The following IRF7 variants were observed in gnomAD, a reference collection of about 807,000 sequenced individuals.
IRF7 encodes interferon regulatory factor-7H.
Under a neutral mutation model 51.3 loss-of-function variants are expected in IRF7, and 67 were observed. The ratio of observed to expected loss-of-function variants is 1.31; its 90% CI spans 1.07 to 1.60. IRF7 has a LOEUF of 1.60. Among genes scored for constraint, IRF7 ranks in the 40% most tolerant of loss-of-function variants. The probability of loss-of-function intolerance (pLI) is 0.00; values close to 1 mark genes in which losing one functional copy is unlikely to be tolerated. For missense variants in IRF7, 873 were observed against 701.5 expected (o/e 1.24, Z -2.76); for synonymous variants, 427 against 301.3 (o/e 1.42, Z -4.32).
chr11:615,628 G>A lies in IRF7; in HGVS notation c.-264C>T, dbSNP rs912892726. The stretch of plus-strand genomic sequence containing the variant: ...TGTTGAACCAGTGTCCAGGCCTGGC[G>A]GGAAGGCGCAGGCCGGACCCTGCGG... On this transcript the variant is annotated 5_prime_UTR_variant, in exon 2 of 11. Coordinates refer to ENST00000525445, the MANE Select transcript of IRF7 (RefSeq NM_001572.5). 4.3e-4 allele frequency: 181 copies of A among 420,564 alleles called. 2 individuals are homozygous for A. Among genetic ancestry groups the A allele is most frequent in the Admixed American group, 2.4e-4 (6 of 24,956 alleles). 26.1% of individuals were successfully genotyped at this position (420,564 alleles called of 1,614,324 possible).
rs1257744960 is a variant in IRF7 at position 613,263 on chromosome 11, A to C, written c.1180T>G (p.Cys394Gly). ...GTGTCACAGTTCCGAGGCAGCAGGC[A>C]GGCTGGGGTGGAGGGGCTGGCGGAG... The part of the protein sequence containing the change: ...PGSASPSTPA[C>G]LLPRNCDTPI... The change falls in exon 9 of 11, where the codon TGC becomes GGC. Residue 394 changes from cysteine (C) to glycine (G), a missense_variant. Coordinates refer to ENST00000525445, the MANE Select transcript of IRF7 (RefSeq NM_001572.5). The C allele has an allele frequency of 6.2e-7, 1 of 1,600,910 alleles. No individual in the cohort carries two copies. The highest frequency in any genetic ancestry group is 2.2e-5 in the East Asian group (1 of 44,770).
intron 8 of IRF7, 58 bp downstream of exon 8, chr11:613,727 A>AGGC (rs1856604349): frequency 8.0e-6 from 9 of 1,124,954 alleles, no homozygotes; most frequent in Non-Finnish European, 1.0e-5. Context: ...GGGCGGGGAC[A>AGGC]AGCCGTGAGT....
In IRF7 at chr11:614,477, TGTG is replaced by T; in HGVS notation, c.449_451del (p.Pro150del). 1 of 1,566,206 alleles carries T rather than the reference TGTG, an allele frequency of 6.4e-7. No homozygotes were observed. ...AGAGGCAGGCAGAGAGAAGGGTACC[TGTG>T]GTGGTGGGACAGCTGCGGGGGCCTC... On this transcript the variant is annotated inframe_deletion and splice_region_variant, in exon 5 of 11. Transcript: ENST00000525445.
In IRF7 at chr11:615,534, G is replaced by A; in HGVS notation, c.-170C>T. On this transcript the variant is annotated 5_prime_UTR_variant, in exon 2 of 11. Coordinates refer to ENST00000525445, the MANE Select transcript of IRF7 (RefSeq NM_001572.5). The stretch of plus-strand genomic sequence containing the variant: ...TAGCCACCGACGCTGCCTCGGTATG[G>A]ATCTCTTGGCAGAGGGGGCTACAGG... 3 of 701,068 alleles carry A rather than the reference G, an allele frequency of 4.3e-6. No individual in the cohort carries two copies. The South Asian group carries it at 6.6e-5, about 15-fold the overall frequency. 43.4% of individuals were successfully genotyped at this position (701,068 alleles called of 1,614,324 possible).
At position 615,094 on chromosome 11, in the gene IRF7, C is replaced by T. The variant is rs1456814228; in HGVS notation, c.183+3G>A. On this transcript the variant is annotated splice_donor_region_variant and intron_variant, in intron 3 of 10. Transcript: ENST00000525445. ...CGGGGCGGGGCGGGGCTGGGGTCCCCACCTTGAAGATGCGCGCGTCGGCCT... is the reference window on the plus strand; with the variant it reads ...CGGGGCGGGGCGGGGCTGGGGTCCCTACCTTGAAGATGCGCGCGTCGGCCT... The T allele has an allele frequency of 6.3e-7, 1 of 1,582,176 alleles. No homozygotes were observed. Among genetic ancestry groups the T allele is most frequent in the South Asian group, 1.1e-5 (1 of 88,692 alleles).
chr11:613,208 T>C lies in IRF7; in HGVS notation c.1235A>G (p.Gln412Arg), dbSNP rs1131665. 0.27 allele frequency: 429,084 copies of C among 1,587,108 alleles called. 63,213 individuals are homozygous for C. The highest frequency in any genetic ancestry group is 0.52 in the African/African-American group (38,495 of 74,020). ...CCCCAGGCAAGGGCCTCACTGACCTTGGAAGAAGACTCTGAAGTCGAAGAT... is the reference window on the plus strand; with the variant it reads ...CCCCAGGCAAGGGCCTCACTGACCTCGGAAGAAGACTCTGAAGTCGAAGAT... ...TPIFDFRVFF[Q>R]ELVEFRARQR... is the part of the protein sequence containing the mutation. Residue 412 changes from glutamine to arginine, a missense_variant and splice_region_variant, in exon 9 of 11, where the codon CAA becomes CGA. Transcript: ENST00000525445.
In IRF7 at chr11:613,078, G is replaced by GA. The variant is rs1301455443; in HGVS notation, c.1276_1277insT (p.Pro426LeufsTer43). The GA allele has an allele frequency of 1.5e-5, 24 of 1,612,946 alleles. No homozygotes were observed. The highest frequency in any genetic ancestry group is 2.7e-5 in the African/African-American group (2 of 74,932). ...GAAGCCCAGGTAGATGGTATAGCGT[G>GA]GGGAGCCACGGCGCTGCCGTGCCCG... On this transcript the variant is annotated frameshift_variant, in exon 10 of 11. Transcript: ENST00000525445. LOFTEE classifies it high-confidence loss of function.
chr11:613,998 A>G lies in IRF7; in HGVS notation c.719T>C (p.Val240Ala), dbSNP rs772123983. 3 of 1,608,930 alleles carry G rather than the reference A, an allele frequency of 1.9e-6. No homozygotes were observed. In the Admixed American group the frequency reaches 5.1e-5, roughly 27 times the overall value. The part of the protein sequence containing the change: ...LPAGELYGWA[V>A]ETTPSPGPQP... ...GGGCCCGGGGCTGGGGGTCGTCTCT[A>G]CTGCCCACCCGTACAGCTCCCCAGC... Residue 240 changes from valine to alanine, a missense_variant, in exon 7 of 11, where the codon GTA (valine) becomes GCA (alanine). By Grantham distance (64) the Val-to-Ala change is moderately conservative (BLOSUM62 0). Transcript: ENST00000525445.
Position 614,339 on chromosome 11 carries a change from G to A in IRF7, c.514C>T (p.Leu172Phe). The A allele has an allele frequency of 2.5e-6, 4 of 1,610,660 alleles. No individual in the cohort carries two copies. Among genetic ancestry groups the A allele is most frequent in the Non-Finnish European group, 3.4e-6 (4 of 1,179,232 alleles). ...THAGLQAPGPLPAPAGDKGDL... is the reference protein window; with the variant it reads ...THAGLQAPGPFPAPAGDKGDL... ...CCCTTGTCACCAGCTGGGGCAGGGAGGGGGCCTGGGGCTTGGAGTCCAGCA... is the reference window on the plus strand; with the variant it reads ...CCCTTGTCACCAGCTGGGGCAGGGAAGGGGCCTGGGGCTTGGAGTCCAGCA... Residue 172 changes from leucine to phenylalanine, a missense_variant, in exon 6 of 11, where the codon CTC becomes TTC. Physicochemically the swap from Leu to Phe is conservative, Grantham distance 22. Coordinates refer to ENST00000525445, the MANE Select transcript of IRF7 (RefSeq NM_001572.5).
In IRF7 at chr11:615,110, G is replaced by T; in HGVS notation, c.170C>A (p.Ala57Glu). Reference sequence around the variant, plus strand: ...TGGGGTCCCCACCTTGAAGATGCGCGCGTCGGCCTCGCTCAGGTCCTTGCG... The same window carrying T: ...TGGGGTCCCCACCTTGAAGATGCGCTCGTCGGCCTCGCTCAGGTCCTTGCG... ...FARKDLSEAD[A>E]RIFKAWAVAR... is the part of the protein sequence containing the mutation. Residue 57 changes from alanine (A) to glutamate (E), a missense_variant, in exon 3 of 11, where the codon GCG becomes GAG. Transcript: ENST00000525445. 2 of 1,593,432 alleles carry T rather than the reference G, an allele frequency of 1.3e-6. No homozygotes were observed. Among genetic ancestry groups the T allele is most frequent in the Non-Finnish European group, 1.7e-6 (2 of 1,175,410 alleles).
chr11:615,284 T>C lies in IRF7; in HGVS notation c.21-25A>G. ...CCTGCGGGTGCCCGGCCGCGGAGAG[T>C]CAGGGCCGGCTGCAGGGCGCTCGGG... On this transcript the variant is annotated intron_variant, in intron 2 of 10. Coordinates refer to ENST00000525445, the MANE Select transcript of IRF7 (RefSeq NM_001572.5). 2 of 1,577,454 alleles carry C rather than the reference T, an allele frequency of 1.3e-6. No individual in the cohort carries two copies. The highest frequency in any genetic ancestry group is 1.7e-6 in the Non-Finnish European group (2 of 1,165,948).
rs953876367 is a variant in IRF7 at position 614,914 on chromosome 11, T to C, written c.277A>G (p.Thr93Ala). 3 of 1,587,558 alleles carry C rather than the reference T, an allele frequency of 1.9e-6. No homozygotes were observed. In the African/African-American group the frequency reaches 4.0e-5, roughly 21 times the overall value. ...AETAERAGWK[T>A]NFRCALRSTR... ...CTGCGCAGTGCGCAGCGGAAGTTGG[T>C]TTTCCAGCCGGCGCGCTCCGCAGTC... Residue 93 changes from threonine to alanine, a missense_variant, in exon 4 of 11, where the codon ACC (threonine) becomes GCC (alanine). Physicochemically the swap from Thr to Ala is moderately conservative, Grantham distance 58 (BLOSUM62 0). Coordinates refer to ENST00000525445, the MANE Select transcript of IRF7 (RefSeq NM_001572.5).
At position 612,637 on chromosome 11, in the gene IRF7, A is replaced by G; in HGVS notation, c.*8T>C. 6.2e-7 allele frequency: 1 copy of G among 1,612,178 alleles called. No homozygotes were observed. The highest frequency in any genetic ancestry group is 8.5e-7 in the Non-Finnish European group (1 of 1,179,832). ...TCCAGCTTTCTGGAGTTCTCATTAG[A>G]CTGGGTTCTAGGCGGGCTGCTCCAG... is the stretch of plus-strand genomic sequence containing the variant. On this transcript the variant is annotated 3_prime_UTR_variant, in exon 11 of 11. Coordinates refer to ENST00000525445, the MANE Select transcript of IRF7 (RefSeq NM_001572.5).
rs1856783835 is a variant in IRF7 at position 615,360 on chromosome 11, G to A, written c.5C>T (p.Ala2Val). MALAPERAAPRV... is the reference protein window; with the variant it reads MVLAPERAAPRV... Reference sequence around the variant, plus strand: ...GGGCTCTTACCTCTCAGGAGCCAAGGCCATTGCTCCTTCTGCAGGGGCAGT... The same window carrying A: ...GGGCTCTTACCTCTCAGGAGCCAAGACCATTGCTCCTTCTGCAGGGGCAGT... Residue 2 changes from alanine to valine, a missense_variant, in exon 2 of 11, where the codon GCC becomes GTC. By Grantham distance (64) the Ala-to-Val change is moderately conservative. Coordinates refer to ENST00000525445, the MANE Select transcript of IRF7 (RefSeq NM_001572.5). 2 of 1,510,128 alleles carry A rather than the reference G, an allele frequency of 1.3e-6. No homozygotes were observed. The highest frequency in any genetic ancestry group is 1.4e-5 in the African/African-American group (1 of 72,164). 93.5% of individuals were successfully genotyped at this position (1,510,128 alleles called of 1,614,324 possible).
chr11:615,535 A>G lies in IRF7; in HGVS notation c.-171T>C. ...AGCCACCGACGCTGCCTCGGTATGG[A>G]TCTCTTGGCAGAGGGGGCTACAGGT... On this transcript the variant is annotated 5_prime_UTR_variant, in exon 2 of 11. Transcript: ENST00000525445. 1.5e-6 allele frequency: 1 copy of G among 685,320 alleles called. No homozygotes were observed. The highest frequency in any genetic ancestry group is 2.9e-5 in the East Asian group (1 of 34,288). The allele number at this position is 685,320 out of a possible 1,614,324, so 42.5% of individuals were successfully genotyped here.
At chr11:613,750 C>T (rs773722963) in intron 8 of IRF7, 35 bp downstream of exon 8, 3 of 1,102,336 alleles carry the variant, frequency 2.7e-6, no homozygotes, top group South Asian at 3.1e-5. Context: ...CGGGGGTGGG[C>T]GGGGACAGGC....
Position 615,252 on chromosome 11 carries a change from G to T in IRF7, c.28C>A (p.Pro10Thr). ...AGCCACTCTCCGAACAGCACGCGTG[G>T]GGCTGCCCTGCGGGTGCCCGGCCGC... Reference protein sequence around the residue: MALAPERAAPRVLFGEWLLG... With the variant: MALAPERAATRVLFGEWLLG... Residue 10 changes from proline (P) to threonine (T), a missense_variant, in exon 3 of 11, where the codon CCA becomes ACA. Coordinates refer to ENST00000525445, the MANE Select transcript of IRF7 (RefSeq NM_001572.5). The T allele has an allele frequency of 6.3e-7, 1 of 1,582,200 alleles. No homozygotes were observed.
rs1856760606 is a variant in IRF7, at chr11:615,104, A to ATGCGCGCGTCGGCCTCGCTCAGGTCCT, written c.149_175dup (p.Lys50_Arg58dup). The ATGCGCGCGTCGGCCTCGCTCAGGTCCT allele has an allele frequency of 1.3e-6, 2 of 1,589,302 alleles. No individual in the cohort carries two copies. Among genetic ancestry groups the ATGCGCGCGTCGGCCTCGCTCAGGTCCT allele is most frequent in the Non-Finnish European group, 1.7e-6 (2 of 1,173,694 alleles). ...CGGGGCTGGGGTCCCCACCTTGAAG[A>ATGCGCGCGTCGGCCTCGCTCAGGTCCT]TGCGCGCGTCGGCCTCGCTCAGGTC... On this transcript the variant is annotated inframe_insertion, in exon 3 of 11. Coordinates refer to ENST00000525445, the MANE Select transcript of IRF7 (RefSeq NM_001572.5).
chr11:615,349 C>T lies in IRF7; in HGVS notation c.16G>A (p.Glu6Lys), dbSNP rs368440136. The change falls in exon 2 of 11, where the codon GAG becomes AAG. Residue 6 changes from glutamate to lysine, a missense_variant. Physicochemically the swap from Glu to Lys is moderately conservative, Grantham distance 56. Coordinates refer to ENST00000525445, the MANE Select transcript of IRF7 (RefSeq NM_001572.5). MALAP[E>K]RAAPRVLFGE... Reference sequence around the variant, plus strand: ...GAGGGTGGGCCGGGCTCTTACCTCTCAGGAGCCAAGGCCATTGCTCCTTCT... The same window carrying T: ...GAGGGTGGGCCGGGCTCTTACCTCTTAGGAGCCAAGGCCATTGCTCCTTCT... 2.9e-5 allele frequency: 45 copies of T among 1,527,716 alleles called. No individual in the cohort carries two copies. The South Asian group carries it at 4.6e-4, about 16-fold the overall frequency. The allele number at this position is 1,527,716 out of a possible 1,614,324, so 94.6% of individuals were successfully genotyped here.
Sources: gnomAD v4.1 joint callset for allele counts on GRCh38, gnomAD v4.1.1 for gene constraint, MANE v1.5 for transcripts, NCBI Gene and HGNC (gene_info 2026-07-23, HGNC 2026-07-21) for gene names.